Variants in RBM44 observed in about 807,000 individuals in gnomAD.
The protein encoded by RBM44 is RNA-binding protein 44.
Under a neutral mutation model 105.1 loss-of-function variants are expected in RBM44, and 66 were observed. The ratio of observed to expected loss-of-function variants is 0.63; its 90% CI spans 0.52 to 0.77. RBM44 has a LOEUF of 0.77. Among genes scored for constraint, RBM44 ranks in the 30% least tolerant of loss-of-function variants. The pLI, the probability that RBM44 is intolerant of heterozygous loss-of-function variation, is 0.00. For missense variants in RBM44, 1,122 were observed against 1,207.8 expected, an observed-to-expected ratio of 0.93 and a Z score of 1.05; for synonymous variants, 365 against 417.6, an observed-to-expected ratio of 0.87 and a Z score of 1.54.
At chr2:237,805,317 G>A (rs1378458162) in intron 1 of RBM44, among the ~76,000 whole-genome samples, 4 of 152,130 alleles carry the variant, frequency 2.6e-5, no homozygotes, top group African/African-American at 9.7e-5. Flanking sequence ...GTACTGTAAA[G>A]CACTGCTGAA....
intron 15 of RBM44, 113 bp downstream of exon 15, chr2:237,834,536 C>A: frequency 2.0e-6 from 1 of 508,062 alleles, no homozygotes; most frequent in South Asian, 3.4e-5. Context: ...AATATAATCA[C>A]AAAATAATAT....
chr2:237,806,542 C>T (rs2061600871), intron 1 of RBM44, among the ~76,000 whole-genome samples: 1 of 152,148 alleles, frequency 6.6e-6, no homozygotes, highest in South Asian at 2.1e-4. Flanking sequence ...GGCTTCCTGC[C>T]TGGAAGCACA....
intron 1 of RBM44, among the ~76,000 whole-genome samples, chr2:237,800,150 C>A (rs62196081): frequency 6.6e-6 from 1 of 151,850 alleles, no homozygotes; most frequent in African/African-American, 2.4e-5. Flanking sequence ...ACTGTTGTTA[C>A]TGTTATTGTT....
intron 5 of RBM44, chr2:237,820,713 C>T (rs2061777735): frequency 4.4e-6 from 1 of 227,242 alleles, no homozygotes; most frequent in South Asian, 1.6e-4. Context: ...TTTTCTTTTA[C>T]TCAGCATTTA....
chr2:237,800,813 G>A (rs956917821), intron 1 of RBM44, among the ~76,000 whole-genome samples: 1 of 145,496 alleles, frequency 6.9e-6, no homozygotes, highest in Non-Finnish European at 1.5e-5. Flanking sequence ...TGCAACCTCC[G>A]CCTCCCAGGT....
chr2:237,803,710 A>G lies in RBM44; in HGVS notation c.-19+4849A>G, dbSNP rs538255124. On this transcript the variant is annotated intron_variant, in intron 1 of 15. Transcript: ENST00000316997. This position sits in a 1 kb window ranked among gnomAD's most constrained non-coding sequence, Gnocchi z 4.2. ...CTTTGCCTATTCCAAAGTCATGAAT[A>G]TATTGTTGTGTTTTGAGAAACATTA... is the stretch of plus-strand genomic sequence containing the variant. Among the ~76,000 whole-genome samples, 1 of 152,144 alleles carries G rather than the reference A, an allele frequency of 6.6e-6. No individual in the cohort carries two copies. Among genetic ancestry groups the G allele is most frequent in the African/African-American group, 2.4e-5 (1 of 41,424 alleles).
chr2:237,824,298 A>G lies in RBM44; in HGVS notation c.2328A>G (p.Arg776=). ...SQLKLGDKDC[R]HYQETSEDWS... The stretch of plus-strand genomic sequence containing the variant: ...CTGTGTTGAGTGTCTTAGACTGCAG[A>G]CATTACCAAGAGACAAGCGAAGACT... Residue 776 remains arginine, a synonymous_variant, in exon 10 of 16, where the codon AGA becomes AGG. Coordinates refer to ENST00000316997, the MANE Select transcript of RBM44 (RefSeq NM_001080504.3). 6.2e-7 allele frequency: 1 copy of G among 1,612,996 alleles called. No individual in the cohort carries two copies. Among genetic ancestry groups the G allele is most frequent in the Non-Finnish European group, 8.5e-7 (1 of 1,179,300 alleles).
chr2:237,808,810 T>C (rs1052983647), intron 1 of RBM44, among the ~76,000 whole-genome samples: 1 of 152,234 alleles, frequency 6.6e-6, no homozygotes, highest in African/African-American at 2.4e-5. Context: ...ATAAGCTGCA[T>C]GATAGGTATT....
intron 1 of RBM44, among the ~76,000 whole-genome samples, chr2:237,810,857 A>G (rs1211247580): frequency 1.3e-5 from 2 of 152,194 alleles, no homozygotes; most frequent in African/African-American, 4.8e-5. Context: ...GCCCTCCAGC[A>G]TCAAAAGGCC....
At chr2:237,831,331 A>AGTGCAGTGGCGCAATCTCAGTTCACTGC (rs2061901575) in intron 13 of RBM44, among the ~76,000 whole-genome samples, 1 of 148,210 alleles carries the variant, frequency 6.7e-6, no homozygotes, top group Admixed American at 6.9e-5. Context: ...CCCAGGCTGG[A>AGTGCAGTGGCGCAATCTCAGTTCACTGC]GTGCAGTGGC....
At chr2:237,832,288 G>A (rs1411173139) in intron 13 of RBM44, among the ~76,000 whole-genome samples, 1 of 151,844 alleles carries the variant, frequency 6.6e-6, no homozygotes, top group Non-Finnish European at 1.5e-5. Context: ...CCAAGTAGCT[G>A]GGACTGCAGG....
At chr2:237,835,249 G>C (rs2061947994) in intron 15 of RBM44, among the ~76,000 whole-genome samples, 1 of 152,032 alleles carries the variant, frequency 6.6e-6, no homozygotes, top group African/African-American at 2.4e-5. Flanking sequence ...CCTCTCTTTG[G>C]TCTTCCCTAT....
rs540171796 is a variant in RBM44 at position 237,805,581 on chromosome 2, T to C, written c.-19+6720T>C. On this transcript the variant is annotated intron_variant, in intron 1 of 15. Coordinates refer to ENST00000316997, the MANE Select transcript of RBM44 (RefSeq NM_001080504.3). ...AATAAATGGTGCTGGAATAACTGTC[T>C]AGTCATTAGTCATATGCAGAAGATT... 3.9e-5 allele frequency among the ~76,000 whole-genome samples: 6 copies of C among 152,326 alleles called. No individual in the cohort carries two copies. In the South Asian group the frequency reaches 8.3e-4, roughly 21 times the overall value.
At chr2:237,824,536 G>T in intron 10 of RBM44, 117 bp downstream of exon 10, 4 of 799,720 alleles carry the variant, frequency 5.0e-6, no homozygotes, top group South Asian at 2.7e-5. Context: ...TTCCTGTTTT[G>T]GCTTTTCTTT....
At chr2:237,821,986 T>C (rs1335887607) in intron 8 of RBM44, among the ~76,000 whole-genome samples, 159 bp downstream of exon 8, 1 of 152,092 alleles carries the variant, frequency 6.6e-6, no homozygotes, top group African/African-American at 2.4e-5. Flanking sequence ...ATGATATATT[T>C]ATGTCGAATC....
rs1169916788 is a variant in RBM44 at position 237,818,423 on chromosome 2, A to T, written c.1504A>T (p.Met502Leu). The T allele has an allele frequency of 6.2e-6, 10 of 1,612,734 alleles. No homozygotes were observed. The highest frequency in any genetic ancestry group is 7.6e-6 in the Non-Finnish European group (9 of 1,179,166). ...ATCAAGCAACACAGAGATAACAATG[A>T]TGAATAAAAAACGACCTGATGAATG... ...STSSNTEITM[M>L]NKKRPDEWQN... Residue 502 changes from methionine (M) to leucine (L), a missense_variant, in exon 3 of 16, where the codon ATG becomes TTG. Around this residue, in one of 3 missense-constraint regions of RBM44, gnomAD observed 918 missense variants for 955.3 expected, o/e 0.96. Transcript: ENST00000316997. This position sits in a 1 kb window ranked among gnomAD's most constrained non-coding sequence, Gnocchi z 4.6.
chr2:237,806,881 G>A (rs1219029249), intron 1 of RBM44, among the ~76,000 whole-genome samples: 1 of 152,132 alleles, frequency 6.6e-6, no homozygotes, highest in South Asian at 2.1e-4. Context: ...GGTGGGGGGT[G>A]CGGGGAGTTT....
intron 8 of RBM44, among the ~76,000 whole-genome samples, chr2:237,823,176 G>A (rs1335209493): frequency 6.6e-6 from 1 of 151,662 alleles, no homozygotes; most frequent in Non-Finnish European, 1.5e-5. Context: ...ATGTGTGTAT[G>A]CCACACTTTG....
intron 2 of RBM44, among the ~76,000 whole-genome samples, chr2:237,815,967 C>T (rs1404555885): frequency 6.6e-6 from 1 of 152,062 alleles, no homozygotes; most frequent in African/African-American, 2.4e-5. Context: ...TTTTTGGTTG[C>T]CTTAGAATAA....
Sources: allele counts gnomAD v4.1 joint callset (sites outside exome capture counted in the v4.1 genomes callset), GRCh38; gene constraint gnomAD v4.1.1; regional missense constraint gnomAD v4.1.1; non-coding constraint Gnocchi (gnomAD v3.1); transcripts MANE v1.5; gene names NCBI Gene and HGNC (gene_info 2026-07-23, HGNC 2026-07-21).